LIPH: variants seen among roughly 807,000 people sequenced by gnomAD.
LIPH encodes the protein lipase member H.
Under a neutral mutation model 47.6 loss-of-function variants are expected in LIPH, and 32 were observed. The ratio of observed to expected loss-of-function variants is 0.67; its 90% CI spans 0.51 to 0.90. The LOEUF (loss-of-function observed/expected upper bound fraction) is 0.90, where lower values mean the gene tolerates loss of function less well. Ranked by LOEUF, LIPH falls within the 40% of genes least tolerant of loss-of-function variation. The pLI is 0.00. For missense variants in LIPH, 497 were observed against 541.4 expected (o/e 0.92, Z 0.81); for synonymous variants, 190 against 195.6 (o/e 0.97, Z 0.24).
At chr3:185,509,184 A>G (rs1397682764) in intron 9 of LIPH, among the ~76,000 whole-genome samples, 4 of 152,106 alleles carry the variant, frequency 2.6e-5, no homozygotes, top group Middle Eastern at 3.4e-3. Flanking sequence ...CCAGCTACTC[A>G]GGAGGCTAAG....
intron 4 of LIPH, among the ~76,000 whole-genome samples, chr3:185,525,548 C>T (rs941314969): frequency 7.9e-5 from 12 of 151,304 alleles, no homozygotes; most frequent in South Asian, 2.1e-4. Context: ...GAGGCCAAGG[C>T]GGAAGGATCA....
intron 6 of LIPH, 67 bp downstream of exon 6, chr3:185,519,075 G>T: frequency 7.5e-7 from 1 of 1,326,740 alleles, no homozygotes; most frequent in Non-Finnish European, 1.1e-6. Context: ...ATGATAAAGT[G>T]GTTCTGGGAT....
chr3:185,525,421 G>T (rs1027959120), intron 4 of LIPH, among the ~76,000 whole-genome samples: 5 of 151,980 alleles, frequency 3.3e-5, no homozygotes, highest in African/African-American at 1.2e-4. Context: ...GTGTCTCTGG[G>T]CATGGTACTA....
At chr3:185,538,846 CAT>C (rs1279385022) in intron 1 of LIPH, among the ~76,000 whole-genome samples, 58 of 87,572 alleles carry the variant, frequency 6.6e-4, no homozygotes, top group African/African-American at 1.0e-3. Context: ...CATATATACA[CAT>C]ATATATACAT....
intron 3 of LIPH, among the ~76,000 whole-genome samples, chr3:185,532,753 G>A (rs1720373386): frequency 6.6e-6 from 1 of 152,068 alleles, no homozygotes; most frequent in Non-Finnish European, 1.5e-5. Context: ...TTGCACCACT[G>A]CACTCCAGCC....
chr3:185,513,917 G>A (rs1343678506), intron 8 of LIPH, among the ~76,000 whole-genome samples: 1 of 152,164 alleles, frequency 6.6e-6, no homozygotes, highest in Non-Finnish European at 1.5e-5. Flanking sequence ...GCATGTGCCT[G>A]TAGTCCCAGC....
At position 185,508,749 on chromosome 3, in the gene LIPH, GCTTT is replaced by G. The variant is rs1243264315; in HGVS notation, c.*37_*40del. On this transcript the variant is annotated 3_prime_UTR_variant, in exon 10 of 10. Coordinates refer to ENST00000296252, the MANE Select transcript of LIPH (RefSeq NM_139248.3). ...AGCTTTCAAACAGCCTGTGGTTGTAGCTTTCTTTCTATTATTTATGGCCATGTGT... is the reference window on the plus strand; with the variant it reads ...AGCTTTCAAACAGCCTGTGGTTGTAGCTTTCTATTATTTATGGCCATGTGT... 5 of 1,378,698 alleles carry G rather than the reference GCTTT, an allele frequency of 3.6e-6. No individual in the cohort carries two copies. The highest frequency in any genetic ancestry group is 1.2e-5 in the South Asian group (1 of 86,228). The allele number at this position is 1,378,698 out of a possible 1,614,324, so 85.4% of individuals were successfully genotyped here.
chr3:185,543,094 C>T (rs1470532734), intron 1 of LIPH, among the ~76,000 whole-genome samples: 7 of 152,006 alleles, frequency 4.6e-5, no homozygotes, highest in Non-Finnish European at 8.8e-5. Flanking sequence ...CTGTAATCCC[C>T]GCTACTCGGG....
At chr3:185,522,783 T>A (rs903094339) in intron 5 of LIPH, among the ~76,000 whole-genome samples, 2 of 152,174 alleles carry the variant, frequency 1.3e-5, no homozygotes, top group Admixed American at 6.5e-5. Flanking sequence ...TTTTTCTCAT[T>A]GTAAAAGTAA....
intron 1 of LIPH, among the ~76,000 whole-genome samples, chr3:185,539,671 G>A (rs996669360): frequency 5.9e-5 from 9 of 151,948 alleles, no homozygotes; most frequent in Admixed American, 3.9e-4. Context: ...ACGCCCGGCC[G>A]CATTTTACGG....
At chr3:185,545,918 G>A (rs1479181477) in intron 1 of LIPH, among the ~76,000 whole-genome samples, 1 of 152,056 alleles carries the variant, frequency 6.6e-6, no homozygotes, top group Non-Finnish European at 1.5e-5. Flanking sequence ...CACTTTGGGA[G>A]GCTGACGCAG....
At chr3:185,517,187 TAAGA>T in intron 6 of LIPH, 25 bp from the exon 7 acceptor site, 1 of 1,229,630 alleles carries the variant, frequency 8.1e-7, no homozygotes, top group Non-Finnish European at 1.2e-6. Context: ...TAAAAAATTG[TAAGA>T]TTAATATGTA....
At chr3:185,538,958 CAT>C (rs200866646) in intron 1 of LIPH, among the ~76,000 whole-genome samples, 1 of 112,072 alleles carries the variant, frequency 8.9e-6, no homozygotes, top group Admixed American at 9.0e-5. Flanking sequence ...TATATATACA[CAT>C]ATATATATTT....
chr3:185,527,445 C>T (rs1352281956), intron 4 of LIPH, 39 bp downstream of exon 4: 5 of 1,343,124 alleles, frequency 3.7e-6, no homozygotes, highest in South Asian at 2.3e-5. Context: ...TCTTTAGGAG[C>T]CTGGCGGTGT....
At chr3:185,544,481 A>G (rs1250431653) in intron 1 of LIPH, among the ~76,000 whole-genome samples, 1 of 151,652 alleles carries the variant, frequency 6.6e-6, no homozygotes, top group African/African-American at 2.4e-5. Flanking sequence ...AACCTCCCCA[A>G]GTAGCTAGGA....
chr3:185,534,283 T>G lies in LIPH; in HGVS notation c.417+482A>C, dbSNP rs549522782. 3.6e-3 allele frequency among the ~76,000 whole-genome samples: 551 copies of G among 151,510 alleles called. 4 individuals carry two copies. The highest frequency in any genetic ancestry group is 0.013 in the African/African-American group (532 of 41,258). On this transcript the variant is annotated intron_variant, in intron 2 of 9. Transcript: ENST00000296252. The stretch of plus-strand genomic sequence containing the variant: ...AGGCAAGAGAATCGCTTGAACCCGG[T>G]AGGCAAAGGTTGCGGTGAGCTGAAA...
intron 3 of LIPH, among the ~76,000 whole-genome samples, chr3:185,530,213 T>A (rs1720292949): frequency 6.6e-6 from 1 of 151,968 alleles, no homozygotes; most frequent in South Asian, 2.1e-4. Context: ...GCACAGTGGC[T>A]CATGCCTGTA....
chr3:185,550,299 C>G (rs78666463), intron 1 of LIPH, among the ~76,000 whole-genome samples: 6,047 of 152,046 alleles, frequency 0.04, 256 homozygotes, highest in East Asian at 0.24. Context: ...TTTTTTCCTT[C>G]TACCTACAGA....
chr3:185,527,592 G>A lies in LIPH; in HGVS notation c.527-7C>T. ...GGGCCTGCAGGGTCGAGGCCTGGAA[G>A]GAAAACAGAGTCACTTGGCAGCCCC... On this transcript the variant is annotated splice_polypyrimidine_tract_variant and splice_region_variant and intron_variant, in intron 3 of 9. Coordinates refer to ENST00000296252, the MANE Select transcript of LIPH (RefSeq NM_139248.3). 1 of 1,583,210 alleles carries A rather than the reference G, an allele frequency of 6.3e-7. No individual in the cohort carries two copies. The highest frequency in any genetic ancestry group is 8.7e-7 in the Non-Finnish European group (1 of 1,153,560).
Sources: allele counts gnomAD v4.1 joint callset (sites outside exome capture counted in the v4.1 genomes callset), GRCh38; gene constraint gnomAD v4.1.1; transcripts MANE v1.5; gene names NCBI Gene and HGNC (gene_info 2026-07-23, HGNC 2026-07-21).